Variants in TRAF3IP2 observed in about 807,000 individuals in gnomAD.
TRAF3IP2 encodes E3 ubiquitin ligase TRAF3IP2.
TRAF3IP2 carries 35 observed loss-of-function variants against 57.9 expected under a neutral mutation model. The ratio of observed to expected loss-of-function variants is 0.60; its 90% confidence interval spans 0.46 to 0.80. The LOEUF is 0.80. TRAF3IP2 is among the 30% of genes least tolerant of loss of function. The probability of loss-of-function intolerance (pLI) is 0.00; values close to 1 mark genes in which losing one functional copy is unlikely to be tolerated. For missense variants in TRAF3IP2, 556 were observed against 706.4 expected, an observed-to-expected ratio of 0.79 and a Z score of 2.41; for synonymous variants, 251 against 268.9, an observed-to-expected ratio of 0.93 and a Z score of 0.65.
At chr6:111,590,387 G>A (rs1052426468) in intron 2 of TRAF3IP2, among the ~76,000 whole-genome samples, 9 of 152,188 alleles carry the variant, frequency 5.9e-5, no homozygotes, top group African/African-American at 1.9e-4. Flanking sequence ...GAAGGAGAAC[G>A]TGATCTGGGG....
chr6:111,591,060 G>C lies in TRAF3IP2; in HGVS notation c.829+198C>G, dbSNP rs1337917588. ...GAGAAGGAGACTCCAAGTGGGACAG[G>C]CTTTAGGCTAAGAAAAAGCATTCTC... On this transcript the variant is annotated intron_variant, in intron 2 of 8. Transcript: ENST00000368761. This position sits in a 1 kb window ranked among gnomAD's most constrained non-coding sequence, Gnocchi z 4.9. 1.3e-5 allele frequency among the ~76,000 whole-genome samples: 2 copies of C among 152,148 alleles called. No homozygotes were observed. Among genetic ancestry groups the C allele is most frequent in the Non-Finnish European group, 2.9e-5 (2 of 68,022 alleles).
chr6:111,569,764 T>A (rs1246000432), intron 5 of TRAF3IP2, among the ~76,000 whole-genome samples: 2 of 152,024 alleles, frequency 1.3e-5, no homozygotes, highest in African/African-American at 4.8e-5. Context: ...TCAAAAAAAA[T>A]TAAATAAATA....
At chr6:111,571,931 T>C (rs1045464956) in intron 5 of TRAF3IP2, among the ~76,000 whole-genome samples, 4 of 150,380 alleles carry the variant, frequency 2.7e-5, no homozygotes, top group African/African-American at 4.9e-5. Flanking sequence ...AAAAAAAAAA[T>C]TATCTTATAG....
At chr6:111,566,408 G>A (rs1795634909) in intron 7 of TRAF3IP2, 36 bp downstream of exon 7, 1 of 1,513,258 alleles carries the variant, frequency 6.6e-7, no homozygotes, top group African/African-American at 1.4e-5. Context: ...CCATCCCCAG[G>A]GGACAGTGAG....
chr6:111,597,574 G>A (rs1796729691), intron 1 of TRAF3IP2, among the ~76,000 whole-genome samples: 1 of 152,210 alleles, frequency 6.6e-6, no homozygotes, highest in African/African-American at 2.4e-5. Flanking sequence ...AGTTTTATCT[G>A]TTTTGTCTTT....
At position 111,586,205 on chromosome 6, in the gene TRAF3IP2, A is replaced by G. The variant is rs56068489; in HGVS notation, c.829+5053T>C. On this transcript the variant is annotated intron_variant, in intron 2 of 8. Coordinates refer to ENST00000368761, the MANE Select transcript of TRAF3IP2 (RefSeq NM_147686.4). ...CTTCCATCTGGTTTATTTTTTGTGC[A>G]TGCATTCTAGCATACAAATAATCCC... Among the ~76,000 whole-genome samples the G allele has an allele frequency of 1.7e-3, 253 of 151,624 alleles. 2 individuals are homozygous for G. The highest frequency in any genetic ancestry group is 5.5e-3 in the African/African-American group (228 of 41,376).
chr6:111,605,485 TCCC>T (rs1343085622), intron 1 of TRAF3IP2, among the ~76,000 whole-genome samples: 1 of 152,222 alleles, frequency 6.6e-6, no homozygotes, highest in Non-Finnish European at 1.5e-5. Context: ...AACGAATGGT[TCCC>T]AGGCAGCTCC....
At chr6:111,604,970 C>T (rs1313360131) in intron 1 of TRAF3IP2, among the ~76,000 whole-genome samples, 1 of 152,088 alleles carries the variant, frequency 6.6e-6, no homozygotes, top group Non-Finnish European at 1.5e-5. Context: ...ATGAAGAAAT[C>T]CAGGCTTAGT....
At chr6:111,592,157 T>A in intron 1 of TRAF3IP2, 63 bp from the exon 2 acceptor site, 1 of 1,413,122 alleles carries the variant, frequency 7.1e-7, no homozygotes, top group Non-Finnish European at 9.8e-7. Context: ...GTCCTCACTT[T>A]ATGACCTTAA....
chr6:111,561,901 G>A (rs1795460164), intron 8 of TRAF3IP2, among the ~76,000 whole-genome samples: 1 of 152,106 alleles, frequency 6.6e-6, no homozygotes, highest in South Asian at 2.1e-4. Context: ...TGAGACCCTG[G>A]GCAAAGGCAG....
chr6:111,565,659 G>A (rs958916762), intron 7 of TRAF3IP2, among the ~76,000 whole-genome samples: 9 of 152,122 alleles, frequency 5.9e-5, no homozygotes, highest in Admixed American at 2.6e-4. Context: ...AGGAGGATTC[G>A]TAGCCCATAA....
At chr6:111,572,721 T>G (rs1795866895) in intron 5 of TRAF3IP2, 174 bp downstream of exon 5, 1 of 622,738 alleles carries the variant, frequency 1.6e-6, no homozygotes, top group Admixed American at 2.9e-5. Flanking sequence ...AGACTTCAGA[T>G]AGCTTAAAAT....
At chr6:111,580,095 G>C in intron 3 of TRAF3IP2, 102 bp downstream of exon 3, 1 of 1,371,948 alleles carries the variant, frequency 7.3e-7, no homozygotes, top group South Asian at 1.4e-5. Flanking sequence ...GCTCACTAAC[G>C]TGGGTTAGCA....
At chr6:111,597,287 TA>T (rs1796721153) in intron 1 of TRAF3IP2, among the ~76,000 whole-genome samples, 1 of 152,110 alleles carries the variant, frequency 6.6e-6, no homozygotes, top group African/African-American at 2.4e-5. Flanking sequence ...ACTTGCAGAA[TA>T]AAGGTGATGC....
chr6:111,584,335 T>C (rs1207027148), intron 2 of TRAF3IP2, among the ~76,000 whole-genome samples: 1 of 152,232 alleles, frequency 6.6e-6, no homozygotes, highest in East Asian at 1.9e-4. Flanking sequence ...CAGATGAAAA[T>C]GATACACCTC....
At chr6:111,589,071 CTTTTTTTT>C (rs372254400) in intron 2 of TRAF3IP2, among the ~76,000 whole-genome samples, 1 of 123,152 alleles carries the variant, frequency 8.1e-6, no homozygotes, top group South Asian at 2.6e-4. Context: ...GAAAAATTAT[CTTTTTTTT>C]TTTTTTTTTT....
In TRAF3IP2 at chr6:111,586,445, T is replaced by C. The variant is rs554210972; in HGVS notation, c.829+4813A>G. Among the ~76,000 whole-genome samples, 12 of 152,322 alleles carry C rather than the reference T, an allele frequency of 7.9e-5. No homozygotes were observed. In the South Asian group the frequency reaches 2.5e-3, roughly 32 times the overall value. Reference sequence around the variant, plus strand: ...TGCTGGCGACCTTCAGTGGAAGGATTCGGAGGCAGCAGGAGGCCGACTTCT... The same window carrying C: ...TGCTGGCGACCTTCAGTGGAAGGATCCGGAGGCAGCAGGAGGCCGACTTCT... On this transcript the variant is annotated intron_variant, in intron 2 of 8. Transcript: ENST00000368761.
At chr6:111,603,290 G>A (rs1409683556) in intron 1 of TRAF3IP2, among the ~76,000 whole-genome samples, 4 of 152,256 alleles carry the variant, frequency 2.6e-5, no homozygotes, top group East Asian at 1.9e-4. Flanking sequence ...GGAGAGGCCC[G>A]GGGGGCAGCT....
intron 1 of TRAF3IP2, among the ~76,000 whole-genome samples, chr6:111,605,489 A>T (rs1419919146): frequency 6.6e-6 from 1 of 152,266 alleles, no homozygotes; most frequent in Non-Finnish European, 1.5e-5. Flanking sequence ...AATGGTTCCC[A>T]GGCAGCTCCG....
Sources: gnomAD v4.1 joint callset for allele counts (sites outside exome capture counted in the v4.1 genomes callset) on GRCh38, gnomAD v4.1.1 for gene constraint, Gnocchi (gnomAD v3.1) non-coding constraint, MANE v1.5 for transcripts, NCBI Gene and HGNC (gene_info 2026-07-23, HGNC 2026-07-21) for gene names.